The following ZNF607 variants were observed in gnomAD, a reference collection of about 807,000 sequenced individuals.
The protein encoded by ZNF607 is zinc finger protein 607.
A neutral mutation model predicts 12.8 loss-of-function variants in ZNF607; 5 were observed. The observed-to-expected ratio is 0.39, with a 90% CI of 0.20 to 0.82. ZNF607 has a LOEUF of 0.82. ZNF607 is among the 40% of genes least tolerant of loss of function. The pLI is 0.39. For missense variants in ZNF607, 851 were observed against 859.2 expected, an observed-to-expected ratio of 0.99 and a Z score of 0.12; for synonymous variants, 287 against 276.2, an observed-to-expected ratio of 1.04 and a Z score of -0.39.
In ZNF607 at chr19:37,698,254, A is replaced by G. The variant is rs777471397; in HGVS notation, c.1877T>C (p.Phe626Ser). 1 of 1,614,070 alleles carries G rather than the reference A, an allele frequency of 6.2e-7. No individual in the cohort carries two copies. The highest frequency in any genetic ancestry group is 8.5e-7 in the Non-Finnish European group (1 of 1,180,040). Residue 626 changes from phenylalanine to serine, a missense_variant, in exon 5 of 5, where the codon TTT becomes TCT. Transcript: ENST00000355202. ...TCTAACAAGATATGAGGCACAGTGA[A>G]ATGCCTTCCCACATCTTTTACATTC... is the stretch of plus-strand genomic sequence containing the variant. ...PYECKRCGKA[F>S]HCASYLVRHE...
At chr19:37,703,860 G>T (rs1293931978) in intron 4 of ZNF607, among the ~76,000 whole-genome samples, 2 of 152,216 alleles carry the variant, frequency 1.3e-5, no homozygotes, top group Admixed American at 6.5e-5. Flanking sequence ...AAATTGGCCA[G>T]GCGTGGTGGC....
Position 37,696,581 on chromosome 19 carries a change from C to T in ZNF607, c.*1459G>A. ...GTGTTACGAATCATCGGGGCTGTGGCCCAGTTGCCTCACGGAGGTGCAGGT... is the reference window on the plus strand; with the variant it reads ...GTGTTACGAATCATCGGGGCTGTGGTCCAGTTGCCTCACGGAGGTGCAGGT... On this transcript the variant is annotated 3_prime_UTR_variant, in exon 5 of 5. Transcript: ENST00000355202. 1 of 538,674 alleles carries T rather than the reference C, an allele frequency of 1.9e-6. No individual in the cohort carries two copies. Among genetic ancestry groups the T allele is most frequent in the Non-Finnish European group, 3.4e-6 (1 of 295,638 alleles). 33.4% of individuals were successfully genotyped at this position (538,674 alleles called of 1,614,324 possible).
intron 4 of ZNF607, among the ~76,000 whole-genome samples, chr19:37,705,235 CAT>C (rs1398699933): frequency 6.6e-6 from 1 of 152,116 alleles, no homozygotes; most frequent in Non-Finnish European, 1.5e-5. Flanking sequence ...CACTATAAAT[CAT>C]AAAGTATTAT....
At chr19:37,714,501 T>G (rs1436889489) in intron 1 of ZNF607, among the ~76,000 whole-genome samples, 1 of 149,350 alleles carries the variant, frequency 6.7e-6, no homozygotes, top group Admixed American at 6.7e-5. Context: ...GAGACCGAGG[T>G]TGCAGTGAGC....
chr19:37,710,276 C>T (rs2045122084), intron 2 of ZNF607, among the ~76,000 whole-genome samples: 1 of 151,734 alleles, frequency 6.6e-6, no homozygotes, highest in Non-Finnish European at 1.5e-5. Context: ...ACCAGCCTGA[C>T]CAAGATGGAG....
rs1445420180 is a variant in ZNF607, at chr19:37,699,205, T to C, written c.926A>G (p.Tyr309Cys). ...HKRIHTGEKPYECKECGKGFT... is the reference protein window; with the variant it reads ...HKRIHTGEKPCECKECGKGFT... ...GCCCTTCCCGCATTCCTTGCATTCA[T>C]AGGGTTTTTCTCCAGTATGAATTCT... Residue 309 changes from tyrosine to cysteine, a missense_variant, in exon 5 of 5, where the codon TAT becomes TGT. Tyr to Cys is a radical substitution (Grantham distance 194). Coordinates refer to ENST00000355202, the MANE Select transcript of ZNF607 (RefSeq NM_032689.5). 7 of 1,614,010 alleles carry C rather than the reference T, an allele frequency of 4.3e-6. No homozygotes were observed. The highest frequency in any genetic ancestry group is 2.7e-5 in the African/African-American group (2 of 74,934).
At chr19:37,718,371 C>A (rs542444577) in intron 1 of ZNF607, among the ~76,000 whole-genome samples, 140 of 152,302 alleles carry the variant, frequency 9.2e-4, no homozygotes, top group African/African-American at 2.9e-3. Context: ...TGTTTCCCCC[C>A]TCCAAGGCTG....
At chr19:37,717,806 C>CAAAAAAAAAAAAAA (rs57152044) in intron 1 of ZNF607, among the ~76,000 whole-genome samples, 1 of 67,100 alleles carries the variant, frequency 1.5e-5, no homozygotes, top group Non-Finnish European at 2.6e-5. Context: ...AACTCAGTCT[C>CAAAAAAAAAAAAAA]AAAAAAAAAA....
chr19:37,700,737 C>T (rs553949525), intron 4 of ZNF607, among the ~76,000 whole-genome samples: 1 of 152,014 alleles, frequency 6.6e-6, no homozygotes, highest in East Asian at 1.9e-4. Flanking sequence ...TACAGGAAAG[C>T]AGGAAAATAA....
At chr19:37,706,708 T>G (rs1041269012) in intron 4 of ZNF607, 1 of 152,254 alleles carries the variant, frequency 6.6e-6, no homozygotes, top group Non-Finnish European at 1.5e-5. Flanking sequence ...TTTTTTTTTT[T>G]GAGACAGGGT....
chr19:37,703,242 C>A (rs2145230466), intron 4 of ZNF607, among the ~76,000 whole-genome samples: 1 of 150,426 alleles, frequency 6.6e-6, no homozygotes, highest in South Asian at 2.1e-4. Flanking sequence ...AGCTACCACA[C>A]CCCACCAACA....
chr19:37,717,300 C>T (rs914032165), intron 1 of ZNF607, among the ~76,000 whole-genome samples: 8 of 152,178 alleles, frequency 5.3e-5, no homozygotes, highest in Non-Finnish European at 1.0e-4. Flanking sequence ...ATTCTCCTGC[C>T]TCAGTCTCCC....
chr19:37,715,444 T>C (rs1185000220), intron 1 of ZNF607, among the ~76,000 whole-genome samples: 1 of 150,940 alleles, frequency 6.6e-6, no homozygotes, highest in Non-Finnish European at 1.5e-5. Flanking sequence ...CCATCTCTAC[T>C]AAAAATACAA....
intron 4 of ZNF607, among the ~76,000 whole-genome samples, chr19:37,702,025 C>T (rs2045042959): frequency 1.3e-5 from 2 of 152,080 alleles, no homozygotes; most frequent in African/African-American, 4.8e-5. Flanking sequence ...ATGGCTCATG[C>T]CTGTAATCCC....
intron 4 of ZNF607, among the ~76,000 whole-genome samples, chr19:37,700,861 G>T (rs990527373): frequency 2.6e-5 from 4 of 151,502 alleles, no homozygotes. Flanking sequence ...AACCAAAAAA[G>T]AATAAAAAAT....
Position 37,697,293 on chromosome 19 carries a change from G to T in ZNF607, c.*747C>A. On this transcript the variant is annotated 3_prime_UTR_variant, in exon 5 of 5. Transcript: ENST00000355202. ...TACTCCACGGAATTGGTCAAAGATG[G>T]CAGCTCTGTGCCCAGCATCCACATT... is the stretch of plus-strand genomic sequence containing the variant. 1.1e-6 allele frequency: 1 copy of T among 914,354 alleles called. No individual in the cohort carries two copies. Among genetic ancestry groups the T allele is most frequent in the Non-Finnish European group, 1.8e-6 (1 of 550,634 alleles). 56.6% of individuals were successfully genotyped at this position (914,354 alleles called of 1,614,324 possible).
intron 4 of ZNF607, among the ~76,000 whole-genome samples, chr19:37,701,610 G>A (rs1241404141): frequency 3.3e-5 from 5 of 152,168 alleles, no homozygotes; most frequent in African/African-American, 1.2e-4. Flanking sequence ...GCCCACCATT[G>A]CTCCATCGGT....
At position 37,698,585 on chromosome 19, in the gene ZNF607, C is replaced by T; in HGVS notation, c.1546G>A (p.Val516Ile). 6.2e-7 allele frequency: 1 copy of T among 1,613,706 alleles called. No individual in the cohort carries two copies. Among genetic ancestry groups the T allele is most frequent in the Non-Finnish European group, 8.5e-7 (1 of 1,179,904 alleles). Residue 516 changes from valine (V) to isoleucine (I), a missense_variant, in exon 5 of 5, where the codon GTA (valine) becomes ATA (isoleucine). Transcript: ENST00000355202. ...AGATGCTGAGTAAGTTGTCCAGATACACTAAAGGCCTTCCCACATTCCTTA... is the reference window on the plus strand; with the variant it reads ...AGATGCTGAGTAAGTTGTCCAGATATACTAAAGGCCTTCCCACATTCCTTA... The part of the protein sequence containing the change: ...ECKECGKAFS[V>I]SGQLTQHLSI...
At chr19:37,715,618 A>T (rs1241113692) in intron 1 of ZNF607, among the ~76,000 whole-genome samples, 1 of 151,884 alleles carries the variant, frequency 6.6e-6, no homozygotes, top group African/African-American at 2.4e-5. Context: ...AAAAAAAAAA[A>T]GATGATCAGA....
Sources: allele counts gnomAD v4.1 joint callset (sites outside exome capture counted in the v4.1 genomes callset), GRCh38; gene constraint gnomAD v4.1.1; transcripts MANE v1.5; gene names NCBI Gene and HGNC (gene_info 2026-07-23, HGNC 2026-07-21).